NSMCE2: variants seen among roughly 807,000 people sequenced by gnomAD.
NSMCE2 encodes E3 SUMO-protein ligase NSE2.
A neutral mutation model predicts 23.8 loss-of-function variants in NSMCE2; 24 were observed. The ratio of observed to expected loss-of-function variants is 1.01; its 90% CI spans 0.73 to 1.42. The LOEUF (loss-of-function observed/expected upper bound fraction) is 1.42, where lower values mean the gene tolerates loss of function less well. NSMCE2 is among the 40% of genes most tolerant of loss of function. The pLI, the probability that NSMCE2 is intolerant of heterozygous loss-of-function variation, is 0.00. For missense variants in NSMCE2, 284 were observed against 296.5 expected (o/e 0.96, Z 0.31); for synonymous variants, 92 against 94.1 (o/e 0.98, Z 0.13).
chr8:125,316,483 G>A (rs145201986), intron 5 of NSMCE2, among the ~76,000 whole-genome samples: 263 of 152,282 alleles, frequency 1.7e-3, no homozygotes, highest in African/African-American at 6.0e-3. Context: ...GAATTTTCAG[G>A]GCAGGCTCCA....
intron 5 of NSMCE2, among the ~76,000 whole-genome samples, chr8:125,250,005 T>C (rs910411302): frequency 1.9e-4 from 29 of 152,262 alleles, no homozygotes; most frequent in Non-Finnish European, 3.7e-4. Context: ...TTATTTATTT[T>C]TGAGACGGAG....
intron 5 of NSMCE2, among the ~76,000 whole-genome samples, chr8:125,256,381 C>A (rs183427141): frequency 6.6e-6 from 1 of 151,928 alleles, no homozygotes; most frequent in East Asian, 1.9e-4. Flanking sequence ...GCCAGTGCCA[C>A]CAGAAGGGAG....
intron 5 of NSMCE2, among the ~76,000 whole-genome samples, chr8:125,341,707 G>A (rs923259690): frequency 6.6e-6 from 1 of 152,000 alleles, no homozygotes; most frequent in Non-Finnish European, 1.5e-5. Flanking sequence ...GTAGAGCCAA[G>A]GTCCAGACTT....
intron 5 of NSMCE2, among the ~76,000 whole-genome samples, chr8:125,239,906 G>A (rs547155200): frequency 6.6e-6 from 1 of 152,190 alleles, no homozygotes; most frequent in African/African-American, 2.4e-5. Context: ...GAGAAAGATG[G>A]TCACCTGAGA....
chr8:125,176,801 G>A (rs2130786571), intron 4 of NSMCE2, among the ~76,000 whole-genome samples: 1 of 152,330 alleles, frequency 6.6e-6, no homozygotes, highest in East Asian at 1.9e-4. Flanking sequence ...GCCTGGGCTT[G>A]CCTTCTTACC....
intron 5 of NSMCE2, among the ~76,000 whole-genome samples, chr8:125,258,736 G>C (rs542277350): frequency 6.6e-6 from 1 of 152,126 alleles, no homozygotes; most frequent in South Asian, 2.1e-4. Context: ...GGAGAGAGGT[G>C]GGGGGGTTAT....
rs117567029 is a variant in NSMCE2, at chr8:125,183,689, T to C, written c.418+1433T>C. Among the ~76,000 whole-genome samples the C allele has an allele frequency of 1.1e-3, 164 of 151,466 alleles. 1 individual carries two copies. The East Asian group carries it at 0.027, about 25-fold the overall frequency. On this transcript the variant is annotated intron_variant, in intron 5 of 7. Coordinates refer to ENST00000287437, the MANE Select transcript of NSMCE2 (RefSeq NM_173685.4). Reference sequence around the variant, plus strand: ...TAGTATCTGGCACATGGACCTGTGATTACCAGCCTGAGGCCAACAAACCCC... The same window carrying C: ...TAGTATCTGGCACATGGACCTGTGACTACCAGCCTGAGGCCAACAAACCCC...
intron 3 of NSMCE2, among the ~76,000 whole-genome samples, chr8:125,130,819 T>C (rs1819739397): frequency 6.6e-6 from 1 of 152,232 alleles, no homozygotes; most frequent in South Asian, 2.1e-4. Flanking sequence ...TTTTCCCTGC[T>C]GATTTGTAAT....
At chr8:125,349,568 G>A (rs1812942447) in intron 5 of NSMCE2, among the ~76,000 whole-genome samples, 1 of 139,214 alleles carries the variant, frequency 7.2e-6, no homozygotes, top group Non-Finnish European at 1.5e-5. Flanking sequence ...CAGCAACATA[G>A]TGAGAGCTTG....
intron 5 of NSMCE2, among the ~76,000 whole-genome samples, chr8:125,341,572 TGTTA>T (rs1452029616): frequency 2.0e-5 from 3 of 152,124 alleles, no homozygotes; most frequent in Non-Finnish European, 4.4e-5. Flanking sequence ...TTGATTCATC[TGTTA>T]GTTTTTTTTT....
rs867618578 is a variant in NSMCE2, at chr8:125,105,230, A to T, written c.157+2743A>T. Among the ~76,000 whole-genome samples, 3 of 152,330 alleles carry T rather than the reference A, an allele frequency of 2.0e-5. No individual in the cohort carries two copies. In the Middle Eastern group the frequency reaches 0.01, roughly 518 times the overall value. Reference sequence around the variant, plus strand: ...CAGTTATTCATTTACGGCTAACAGCAGGTGTCACTCATAATCTTTTTAGTG... The same window carrying T: ...CAGTTATTCATTTACGGCTAACAGCTGGTGTCACTCATAATCTTTTTAGTG... On this transcript the variant is annotated intron_variant, in intron 3 of 7. Transcript: ENST00000287437.
At chr8:125,125,481 G>A (rs1166060246) in intron 3 of NSMCE2, among the ~76,000 whole-genome samples, 1 of 152,216 alleles carries the variant, frequency 6.6e-6, no homozygotes, top group Non-Finnish European at 1.5e-5. Context: ...GAATAAGCAA[G>A]TGGAATAAAG....
chr8:125,128,731 C>G (rs1819623520), intron 3 of NSMCE2, among the ~76,000 whole-genome samples: 1 of 152,174 alleles, frequency 6.6e-6, no homozygotes, highest in South Asian at 2.1e-4. Flanking sequence ...TGGCTTCTAG[C>G]CATCTTCCAT....
chr8:125,206,728 G>A (rs147873255), intron 5 of NSMCE2, among the ~76,000 whole-genome samples: 8 of 152,254 alleles, frequency 5.3e-5, no homozygotes, highest in Non-Finnish European at 7.4e-5. Context: ...AATGTCAAGC[G>A]TACTGAATTT....
intron 5 of NSMCE2, among the ~76,000 whole-genome samples, chr8:125,189,724 A>G (rs1468569948): frequency 2.0e-5 from 3 of 152,248 alleles, no homozygotes. Context: ...TAAAATCAGT[A>G]GAAAAGGTTA....
rs1478495386 is a variant in NSMCE2 at position 125,337,177 on chromosome 8, T to C, written c.419-20042T>C. Among the ~76,000 whole-genome samples, 3 of 152,214 alleles carry C rather than the reference T, an allele frequency of 2.0e-5. No homozygotes were observed. The East Asian group carries it at 5.8e-4, about 29-fold the overall frequency. ...ATGGGCAAACATTTGCCCTTTAAAG[T>C]AGGTAAGAGTCCATAGCACAGTAAG... On this transcript the variant is annotated intron_variant, in intron 5 of 7. Transcript: ENST00000287437.
intron 5 of NSMCE2, among the ~76,000 whole-genome samples, chr8:125,329,248 C>G (rs950935197): frequency 3.9e-5 from 6 of 152,174 alleles, no homozygotes; most frequent in East Asian, 1.9e-4. Flanking sequence ...TTAGGATGTT[C>G]TTGGATGTGT....
chr8:125,203,266 AT>A (rs1254732985), intron 5 of NSMCE2, among the ~76,000 whole-genome samples: 1 of 151,620 alleles, frequency 6.6e-6, no homozygotes, highest in Non-Finnish European at 1.5e-5. Flanking sequence ...TATATATATA[AT>A]TTTTTTAGTA....
rs753384406 is a variant in NSMCE2, at chr8:125,242,132, CA to C, written c.418+59877del. Among the ~76,000 whole-genome samples the C allele has an allele frequency of 9.2e-5, 14 of 151,936 alleles. 1 individual carries two copies. Among genetic ancestry groups the C allele is most frequent in the Admixed American group, 5.2e-4 (8 of 15,250 alleles). ...GGGGGGAGTTTGAGAACCACTGTTA[CA>C]GGTGACAGTTGAAGCCAGGAAGTAG... is the stretch of plus-strand genomic sequence containing the variant. On this transcript the variant is annotated intron_variant, in intron 5 of 7. Coordinates refer to ENST00000287437, the MANE Select transcript of NSMCE2 (RefSeq NM_173685.4).
Sources: allele counts gnomAD v4.1 joint callset (sites outside exome capture counted in the v4.1 genomes callset), GRCh38; gene constraint gnomAD v4.1.1; transcripts MANE v1.5; gene names NCBI Gene and HGNC (gene_info 2026-07-23, HGNC 2026-07-21).